The following NLGN3 variants were observed in gnomAD, a reference collection of about 807,000 sequenced individuals.
NLGN3 encodes neuroligin 3, also known as neuroligin-3.
In NLGN3, 11 loss-of-function variants were observed where a neutral mutation model predicts 42.9. That is an observed-to-expected ratio of 0.26 (90% CI 0.16 to 0.42). The LOEUF (loss-of-function observed/expected upper bound fraction) is 0.42. Ranked by LOEUF, NLGN3 falls within the 10% of genes least tolerant of loss-of-function variation. The pLI is 1.00. For missense variants in NLGN3, 374 were observed against 733.8 expected (o/e 0.51, Z 5.67); for synonymous variants, 279 against 312.7 (o/e 0.89, Z 1.14).
At chrX:71,153,962 T>A (rs2092399625) in intron 4 of NLGN3, among the ~76,000 whole-genome samples, 1 of 111,563 alleles carries the variant, frequency 9.0e-6, no homozygotes, top group Non-Finnish European at 1.9e-5. Flanking sequence ...GCCTGGCTTC[T>A]GGGAGAGGGG....
Position 71,153,545 on chromosome X carries a change from G to A in NLGN3, c.577+9G>A, listed in dbSNP as rs758650663. On this transcript the variant is annotated intron_variant, in intron 4 of 7. Coordinates refer to ENST00000358741, the MANE Select transcript of NLGN3 (RefSeq NM_181303.2). ...CGGGGATGAAGATGAAGGTATTTGG[G>A]GGCTGCAGGGCGCGGCGGCTGGTGC... The A allele has an allele frequency of 1.7e-6, 2 of 1,201,462 alleles. No homozygotes were observed. Among genetic ancestry groups the A allele is most frequent in the Admixed American group, 4.4e-5 (2 of 45,394 alleles).
intron 3 of NLGN3, among the ~76,000 whole-genome samples, chrX:71,149,116 A>G (rs1427612964): frequency 9.1e-6 from 1 of 109,737 alleles, no homozygotes; most frequent in African/African-American, 3.3e-5. Context: ...CAGCAACCCT[A>G]TTTCTTCCAA....
chrX:71,145,066 C>A, intron 1 of NLGN3, 102 bp downstream of exon 1: 1 of 109,893 alleles, frequency 9.1e-6, no homozygotes. Flanking sequence ...AGCCAGTGGC[C>A]CCCATCCCTC....
downstream of NLGN3, among the ~76,000 whole-genome samples, chrX:71,172,159 G>A: frequency 9.0e-6 from 1 of 111,641 alleles, no homozygotes; most frequent in South Asian, 3.7e-4. Context: ...TGGGGAGATG[G>A]TGTAAGGGTA....
rs1206453099 is a variant in NLGN3, at chrX:71,148,209, G to A, written c.457+3G>A. On this transcript the variant is annotated splice_donor_region_variant and intron_variant, in intron 2 of 7. Coordinates refer to ENST00000358741, the MANE Select transcript of NLGN3 (RefSeq NM_181303.2). ...CGTCTATGTGCCGACGGAGGATGGT[G>A]AGTGCTGCGGCCAGGCACTGTGCCC... 16 of 1,198,127 alleles carry A rather than the reference G, an allele frequency of 1.3e-5. No homozygotes were observed. The highest frequency in any genetic ancestry group is 1.8e-5 in the Non-Finnish European group (16 of 884,519).
intron 5 of NLGN3, among the ~76,000 whole-genome samples, chrX:71,157,849 G>A (rs930411014): frequency 9.1e-6 from 1 of 109,825 alleles, no homozygotes; most frequent in Non-Finnish European, 1.9e-5. Context: ...CCGGGAGACT[G>A]AATATGGAGC....
Position 71,147,923 on chromosome X carries a change from G to C in NLGN3, c.174G>C (p.Leu58=). The change falls in exon 2 of 8, where the codon CTG becomes CTC. Residue 58 remains leucine, a synonymous_variant. Coordinates refer to ENST00000358741, the MANE Select transcript of NLGN3 (RefSeq NM_181303.2). ...FGKLRGARVP[L]PSEILGPVDQ... ...AGCTAAGGGGTGCCCGAGTACCACT[G>C]CCCAGTGAGATCCTGGGGCCTGTGG... The C allele has an allele frequency of 1.7e-6, 2 of 1,209,723 alleles. No individual in the cohort carries two copies. The highest frequency in any genetic ancestry group is 2.2e-6 in the Non-Finnish European group (2 of 894,438).
chrX:71,151,667 AG>A (rs1673211757), intron 3 of NLGN3, among the ~76,000 whole-genome samples: 1 of 112,414 alleles, frequency 8.9e-6, no homozygotes, highest in African/African-American at 3.2e-5. Flanking sequence ...ATCTGTGTGA[AG>A]GAGGCTGAGA....
chrX:71,163,018 AAG>A (rs1323160121), intron 5 of NLGN3, among the ~76,000 whole-genome samples: 2 of 111,739 alleles, frequency 1.8e-5, no homozygotes, highest in Non-Finnish European at 3.8e-5. Context: ...GGATTCAGGG[AAG>A]AGAGATGAAA....
downstream of NLGN3, chrX:71,171,512 C>T (rs1320152117): frequency 6.9e-6 from 1 of 145,586 alleles, no homozygotes; most frequent in East Asian, 2.7e-4. Context: ...TTCCTTCCTT[C>T]TCTGCACCGC....
At chrX:71,172,627 CGTGTGTGTGT>C (rs59876964), downstream of NLGN3, among the ~76,000 whole-genome samples, 4 of 100,496 alleles carry the variant, frequency 4.0e-5, no homozygotes, top group Non-Finnish European at 8.1e-5. Context: ...TGTGTGCATG[CGTGTGTGTGT>C]GTGTGTGTGT....
chrX:71,166,405 G>A (rs1275672145), intron 6 of NLGN3, among the ~76,000 whole-genome samples: 6 of 107,293 alleles, frequency 5.6e-5, no homozygotes, highest in African/African-American at 1.7e-4. Context: ...GCAGTTAGCC[G>A]AGATCCCACC....
rs1372298064 is a variant in NLGN3 at position 71,147,692 on chromosome X, T to C, written c.-58T>C. 7 of 1,042,520 alleles carry C rather than the reference T, an allele frequency of 6.7e-6. No homozygotes were observed. Among genetic ancestry groups the C allele is most frequent in the East Asian group, 3.2e-5 (1 of 31,336 alleles). 85.9% of individuals were successfully genotyped at this position (1,042,520 alleles called of 1,213,427 possible). On this transcript the variant is annotated 5_prime_UTR_variant, in exon 2 of 8. Transcript: ENST00000358741. ...AGTGTGGCCATGAAGGGGCTGCCTA[T>C]TGGGCTGATGCTGTGACCCTGGAGT...
chrX:71,152,024 T>G (rs1433772071), intron 3 of NLGN3, among the ~76,000 whole-genome samples: 1 of 111,801 alleles, frequency 8.9e-6, no homozygotes, highest in Non-Finnish European at 1.9e-5. Context: ...TGAAAAGCCA[T>G]TTTGTAGGAT....
Position 71,148,031 on chromosome X carries a change from G to A in NLGN3, c.282G>A (p.Ser94=), listed in dbSNP as rs143817848. ...FLPPEPPPSW[S]GIRNATHFPP... ...CCCCTGAACCACCCCCATCCTGGTC[G>A]GGCATCCGGAACGCCACACACTTTC... Residue 94 remains serine (S), a synonymous_variant, in exon 2 of 8, where the codon TCG becomes TCA. Coordinates refer to ENST00000358741, the MANE Select transcript of NLGN3 (RefSeq NM_181303.2). The A allele has an allele frequency of 2.1e-4, 253 of 1,206,604 alleles. 2 individuals are homozygous for A. The South Asian group carries it at 3.1e-3, about 15-fold the overall frequency.
At chrX:71,150,332 C>T (rs1043315617) in intron 3 of NLGN3, among the ~76,000 whole-genome samples, 2 of 111,673 alleles carry the variant, frequency 1.8e-5, no homozygotes, top group Non-Finnish European at 3.8e-5. Context: ...GTTTCCACAT[C>T]TGAGGTTGGT....
At chrX:71,168,224 C>G (rs2092453289) in intron 7 of NLGN3, among the ~76,000 whole-genome samples, 1 of 111,029 alleles carries the variant, frequency 9.0e-6, no homozygotes, top group Non-Finnish European at 1.9e-5. Context: ...TGCCTGTAGT[C>G]CCAGGTATTT....
intron 3 of NLGN3, among the ~76,000 whole-genome samples, chrX:71,152,837 A>G (rs760443508): frequency 1.2e-4 from 13 of 110,742 alleles, no homozygotes; most frequent in Non-Finnish European, 2.1e-4. Context: ...TCCTGTGGGC[A>G]GGAACCCCAT....
chrX:71,168,206 G>A (rs149755002), intron 7 of NLGN3, among the ~76,000 whole-genome samples: 2,004 of 110,962 alleles, frequency 0.018, 42 homozygotes, highest in African/African-American at 0.062. Flanking sequence ...GCCAGGCATG[G>A]TAGTGCATGC....
Sources: allele counts gnomAD v4.1 joint callset (sites outside exome capture counted in the v4.1 genomes callset), GRCh38; gene constraint gnomAD v4.1.1; transcripts MANE v1.5; gene names NCBI Gene and HGNC (gene_info 2026-07-23, HGNC 2026-07-21).